The following DNM3 variants were observed in gnomAD, a reference collection of about 807,000 sequenced individuals.
The protein encoded by DNM3 is dynamin 3.
In DNM3, 47 loss-of-function variants were observed where a neutral mutation model predicts 101.6. The observed-to-expected ratio is 0.46, with a 90% confidence interval of 0.37 to 0.59. The LOEUF (loss-of-function observed/expected upper bound fraction) is 0.59. Among genes scored for constraint, DNM3 ranks in the 20% least tolerant of loss-of-function variants. DNM3 has a pLI of 0.00. For missense variants in DNM3, 849 were observed against 1,085.7 expected, an observed-to-expected ratio of 0.78 and a Z score of 3.06; for synonymous variants, 385 against 387.9, an observed-to-expected ratio of 0.99 and a Z score of 0.09.
intron 4 of DNM3, 139 bp downstream of exon 4, chr1:171,989,287 T>G (rs929685316): frequency 2.0e-6 from 1 of 506,728 alleles, no homozygotes; most frequent in Non-Finnish European, 3.1e-6. Context: ...CTTTTGTATT[T>G]TAAATAGAAA....
chr1:172,318,263 A>C (rs1387947906), intron 16 of DNM3, among the ~76,000 whole-genome samples: 1 of 152,082 alleles, frequency 6.6e-6, no homozygotes, highest in African/African-American at 2.4e-5. Context: ...ATCTATGACA[A>C]ACCCACAGCC....
chr1:172,114,400 G>A (rs1251144619), intron 13 of DNM3, among the ~76,000 whole-genome samples: 1 of 152,156 alleles, frequency 6.6e-6, no homozygotes, highest in Non-Finnish European at 1.5e-5. Context: ...TGTTTTTAGT[G>A]TGGATATTGA....
At chr1:171,951,717 T>G (rs1184394894) in intron 2 of DNM3, among the ~76,000 whole-genome samples, 2 of 152,168 alleles carry the variant, frequency 1.3e-5, no homozygotes, top group Admixed American at 1.3e-4. Context: ...GTTTAAGCTT[T>G]AGTGGAGGTG....
At position 172,267,555 on chromosome 1, in the gene DNM3, AG is replaced by A. The variant is rs11315897; in HGVS notation, c.1769+13874del. Among the ~76,000 whole-genome samples the A allele has an allele frequency of 5.2e-3, 789 of 151,756 alleles. 13 individuals are homozygous for A. The highest frequency in any genetic ancestry group is 0.018 in the African/African-American group (741 of 41,068). ...TAGAATTCTATGACATTGTCCTTTA[AG>A]AAAAAAAAAAGCATAGATGTTTTAT... On this transcript the variant is annotated intron_variant, in intron 15 of 20. Coordinates refer to ENST00000627582, the MANE Select transcript of DNM3 (RefSeq NM_015569.5).
chr1:172,229,766 A>G (rs1373190191), intron 14 of DNM3, among the ~76,000 whole-genome samples: 1 of 152,036 alleles, frequency 6.6e-6, no homozygotes, highest in Non-Finnish European at 1.5e-5. Flanking sequence ...ACACACACAC[A>G]TACATACATG....
chr1:172,389,302 C>T (rs2069384344), intron 20 of DNM3: 1 of 156,846 alleles, frequency 6.4e-6, no homozygotes, highest in South Asian at 1.9e-4. Flanking sequence ...ATAAATCTGG[C>T]TGATTGATCT....
At chr1:171,843,848 G>A (rs2124949062) in intron 1 of DNM3, among the ~76,000 whole-genome samples, 1 of 152,256 alleles carries the variant, frequency 6.6e-6, no homozygotes, top group African/African-American at 2.4e-5. Flanking sequence ...ATAAAAAATA[G>A]GGACAAGTAT....
At chr1:171,843,231 T>C (rs914976699) in intron 1 of DNM3, among the ~76,000 whole-genome samples, 1 of 152,218 alleles carries the variant, frequency 6.6e-6, no homozygotes, top group Non-Finnish European at 1.5e-5. Flanking sequence ...TTGCTGACAA[T>C]TGGCTTGTAT....
chr1:172,042,671 G>T (rs1032524487), intron 8 of DNM3, among the ~76,000 whole-genome samples: 4 of 152,114 alleles, frequency 2.6e-5, no homozygotes, highest in African/African-American at 9.7e-5. Flanking sequence ...GGGGGAAAGG[G>T]GTTGTTCAAG....
chr1:171,894,239 C>G (rs1449851847), intron 1 of DNM3, among the ~76,000 whole-genome samples: 1 of 151,974 alleles, frequency 6.6e-6, no homozygotes, highest in Non-Finnish European at 1.5e-5. Flanking sequence ...ATTACAGGCA[C>G]GAGCCACCAC....
chr1:172,090,047 C>T (rs2147801453), intron 12 of DNM3, among the ~76,000 whole-genome samples: 1 of 152,286 alleles, frequency 6.6e-6, no homozygotes, highest in Admixed American at 6.5e-5. Flanking sequence ...TTTTGCTTTA[C>T]ATTCAACTTC....
intron 2 of DNM3, among the ~76,000 whole-genome samples, chr1:171,930,721 G>A (rs2040937278): frequency 6.6e-6 from 1 of 152,086 alleles, no homozygotes; most frequent in African/African-American, 2.4e-5. Context: ...GTTCTCCACG[G>A]GTCAAGTTGT....
rs1392167975 is a variant in DNM3 at position 172,076,805 on chromosome 1, G to T, written c.1423-5027G>T. On this transcript the variant is annotated intron_variant, in intron 11 of 20. Transcript: ENST00000627582. ...TTTGTGTGTGTCTCTGCCAGGTTTT[G>T]GTATTAGGATGACGTTGGCATCATA... Among the ~76,000 whole-genome samples, 4 of 152,140 alleles carry T rather than the reference G, an allele frequency of 2.6e-5. 1 individual carries two copies. Among genetic ancestry groups the T allele is most frequent in the Admixed American group, 2.6e-4 (4 of 15,272 alleles).
chr1:172,043,521 A>T (rs2049547391), intron 8 of DNM3, among the ~76,000 whole-genome samples: 2 of 152,194 alleles, frequency 1.3e-5, no homozygotes, highest in Non-Finnish European at 2.9e-5. Context: ...CTATGGAAAC[A>T]CAGCCCACAG....
chr1:172,046,360 A>T (rs2049801692), intron 9 of DNM3, among the ~76,000 whole-genome samples: 2 of 152,142 alleles, frequency 1.3e-5, no homozygotes, highest in South Asian at 2.1e-4. Context: ...AATAATGAGA[A>T]CACATGGACA....
chr1:172,260,876 C>T (rs988788392), intron 15 of DNM3, among the ~76,000 whole-genome samples: 2 of 151,972 alleles, frequency 1.3e-5, no homozygotes, highest in African/African-American at 4.8e-5. Context: ...TCTCTCTGAG[C>T]TTCTTTAGTG....
chr1:172,052,275 G>A (rs12038713), intron 10 of DNM3, among the ~76,000 whole-genome samples: 50,524 of 151,844 alleles, frequency 0.33, 9,001 homozygotes, highest in East Asian at 0.64. Flanking sequence ...GGGGTGGGGG[G>A]TGGTTTCCTA....
Position 172,191,327 on chromosome 1 carries a change from G to C in DNM3, c.1659+60039G>C, listed in dbSNP as rs528287691. 1.8e-4 allele frequency among the ~76,000 whole-genome samples: 28 copies of C among 152,266 alleles called. No individual in the cohort carries two copies. The South Asian group carries it at 4.6e-3, about 25-fold the overall frequency. On this transcript the variant is annotated intron_variant, in intron 14 of 20. Transcript: ENST00000627582. Reference sequence around the variant, plus strand: ...GTTTGTCAAAGATCAGATGATTGTAGATATGTGGTATTATTTCTGAGGGCT... The same window carrying C: ...GTTTGTCAAAGATCAGATGATTGTACATATGTGGTATTATTTCTGAGGGCT...
chr1:172,158,593 T>C (rs545418143), intron 14 of DNM3, among the ~76,000 whole-genome samples: 17 of 152,132 alleles, frequency 1.1e-4, no homozygotes, highest in African/African-American at 4.1e-4. Context: ...GGCAGAGGAC[T>C]TTTGGTTTCT....
Sources: gnomAD v4.1 joint callset for allele counts (sites outside exome capture counted in the v4.1 genomes callset) on GRCh38, gnomAD v4.1.1 for gene constraint, MANE v1.5 for transcripts, NCBI Gene and HGNC (gene_info 2026-07-23, HGNC 2026-07-21) for gene names.